The following PRDM5 variants were observed in gnomAD, a reference collection of about 807,000 sequenced individuals.
PRDM5 encodes the protein PR domain zinc finger protein 5.
PRDM5 carries 56 observed loss-of-function variants against 81.2 expected under a neutral mutation model. That is an observed-to-expected ratio of 0.69 (90% CI 0.56 to 0.86). PRDM5 has a LOEUF of 0.86. PRDM5 is among the 40% of genes least tolerant of loss of function. PRDM5 has a pLI of 0.00. For missense variants in PRDM5, 697 were observed against 770.1 expected (o/e 0.91, Z 1.12); for synonymous variants, 267 against 256.4 (o/e 1.04, Z -0.39).
At chr4:120,766,779 G>C (rs1288029873) in intron 13 of PRDM5, among the ~76,000 whole-genome samples, 1 of 152,060 alleles carries the variant, frequency 6.6e-6, no homozygotes, top group African/African-American at 2.4e-5. Flanking sequence ...CAAATAAGAG[G>C]CTTGAACTAG....
At chr4:120,914,202 A>C (rs1416990024) in intron 1 of PRDM5, among the ~76,000 whole-genome samples, 1 of 152,168 alleles carries the variant, frequency 6.6e-6, no homozygotes, top group Non-Finnish European at 1.5e-5. Context: ...AAAAAAAAAA[A>C]ACTTTTAAGA....
At chr4:120,794,975 A>G (rs1161920465) in intron 10 of PRDM5, among the ~76,000 whole-genome samples, 1 of 152,118 alleles carries the variant, frequency 6.6e-6, no homozygotes, top group African/African-American at 2.4e-5. Context: ...ATTGATTTCA[A>G]GACCTACACA....
chr4:120,794,570 C>T (rs928343128), intron 10 of PRDM5, among the ~76,000 whole-genome samples: 28 of 149,958 alleles, frequency 1.9e-4, no homozygotes, highest in African/African-American at 5.9e-4. Flanking sequence ...TACAAATACA[C>T]ACAAATACAT....
intron 3 of PRDM5, among the ~76,000 whole-genome samples, chr4:120,827,615 T>C (rs1202853115): frequency 6.6e-6 from 1 of 152,110 alleles, no homozygotes; most frequent in African/African-American, 2.4e-5. Flanking sequence ...AAAAAACTAC[T>C]ATCATCAGTA....
intron 2 of PRDM5, among the ~76,000 whole-genome samples, chr4:120,870,362 ACT>A (rs1396257125): frequency 6.6e-6 from 1 of 151,998 alleles, no homozygotes; most frequent in East Asian, 1.9e-4. Flanking sequence ...CAAACAAAAG[ACT>A]CTGCCCCATT....
At chr4:120,825,485 C>T (rs1396161635) in intron 3 of PRDM5, among the ~76,000 whole-genome samples, 1 of 152,074 alleles carries the variant, frequency 6.6e-6, no homozygotes, top group Admixed American at 6.6e-5. Context: ...CTTGACCCTT[C>T]CTCTCTCACA....
intron 14 of PRDM5, among the ~76,000 whole-genome samples, chr4:120,728,478 CCAGA>C (rs1426029847): frequency 1.3e-5 from 2 of 151,624 alleles, no homozygotes; most frequent in African/African-American, 4.8e-5. Context: ...TGATTTGATT[CCAGA>C]CAATTATTAT....
chr4:120,765,414 A>C (rs967675242), intron 13 of PRDM5, among the ~76,000 whole-genome samples: 20 of 152,212 alleles, frequency 1.3e-4, no homozygotes, highest in Non-Finnish European at 1.5e-4. Flanking sequence ...TAATTTATGA[A>C]CAACTGATGG....
At chr4:120,821,653 T>C (rs1755291095) in intron 3 of PRDM5, among the ~76,000 whole-genome samples, 1 of 152,056 alleles carries the variant, frequency 6.6e-6, no homozygotes, top group Non-Finnish European at 1.5e-5. Context: ...CCTATAAATG[T>C]AGTTGTCATG....
chr4:120,801,850 T>C (rs1156252527), intron 8 of PRDM5, among the ~76,000 whole-genome samples: 2 of 151,478 alleles, frequency 1.3e-5, no homozygotes, highest in East Asian at 1.9e-4. Context: ...TAAGAGCAGA[T>C]TTATATTCTT....
rs1051664283 is a variant in PRDM5 at position 120,695,372 on chromosome 4, G to A, written c.1729-97C>T. On this transcript the variant is annotated intron_variant, in intron 15 of 15. Coordinates refer to ENST00000264808, the MANE Select transcript of PRDM5 (RefSeq NM_018699.4). Reference sequence around the variant, plus strand: ...CACTATTGGCAAAGAAAATTAATAAGTTACTGCATTTAATCGGTGTCCTTT... The same window carrying A: ...CACTATTGGCAAAGAAAATTAATAAATTACTGCATTTAATCGGTGTCCTTT... The A allele has an allele frequency of 1.9e-5, 25 of 1,341,240 alleles. 1 individual carries two copies. The South Asian group carries it at 2.7e-4, about 14-fold the overall frequency. The allele number at this position is 1,341,240 out of a possible 1,614,324, so 83.1% of individuals were successfully genotyped here.
chr4:120,828,063 C>T (rs1561407530), intron 3 of PRDM5, among the ~76,000 whole-genome samples: 1 of 152,006 alleles, frequency 6.6e-6, no homozygotes, highest in Non-Finnish European at 1.5e-5. Flanking sequence ...TCATGGAACC[C>T]TTGGAGATAG....
intron 1 of PRDM5, among the ~76,000 whole-genome samples, chr4:120,913,497 T>C (rs565054191): frequency 7.9e-5 from 12 of 152,304 alleles, no homozygotes; most frequent in African/African-American, 2.9e-4. Context: ...TATAATAAAA[T>C]GGAATTATTC....
At chr4:120,789,941 C>A (rs1750330436) in intron 10 of PRDM5, among the ~76,000 whole-genome samples, 2 of 152,186 alleles carry the variant, frequency 1.3e-5, no homozygotes, top group African/African-American at 4.8e-5. Context: ...TCCATCAGTA[C>A]AAAGCCACAA....
intron 15 of PRDM5, among the ~76,000 whole-genome samples, chr4:120,700,702 C>T (rs546693615): frequency 6.6e-6 from 1 of 152,146 alleles, no homozygotes; most frequent in Non-Finnish European, 1.5e-5. Flanking sequence ...GAGACATTCA[C>T]AGACACTTCT....
At chr4:120,802,843 C>T (rs572724229) in intron 8 of PRDM5, among the ~76,000 whole-genome samples, 9 of 152,282 alleles carry the variant, frequency 5.9e-5, no homozygotes, top group African/African-American at 9.6e-5. Flanking sequence ...AGCAACAGAA[C>T]AAAGCTGGAT....
chr4:120,836,605 G>T (rs1561438143), intron 3 of PRDM5, among the ~76,000 whole-genome samples: 1 of 152,088 alleles, frequency 6.6e-6, no homozygotes. Context: ...ATATTTAAAA[G>T]GTACTTAAAG....
intron 1 of PRDM5, among the ~76,000 whole-genome samples, chr4:120,919,942 G>A (rs944607370): frequency 1.3e-5 from 2 of 152,000 alleles, no homozygotes; most frequent in African/African-American, 2.4e-5. Context: ...TCACTATACA[G>A]ATTTTTATAC....
intron 14 of PRDM5, among the ~76,000 whole-genome samples, chr4:120,739,648 G>T (rs1179974705): frequency 6.6e-6 from 1 of 151,572 alleles, no homozygotes; most frequent in East Asian, 1.9e-4. Context: ...CAAAAAATTT[G>T]TCAAGAGAAT....
Sources: allele counts gnomAD v4.1 joint callset (sites outside exome capture counted in the v4.1 genomes callset), GRCh38; gene constraint gnomAD v4.1.1; transcripts MANE v1.5; gene names NCBI Gene and HGNC (gene_info 2026-07-23, HGNC 2026-07-21).